Variants in CSPG5 observed in about 807,000 individuals in gnomAD.
CSPG5 encodes acidic leucine-rich EGF-like domain-containing brain protein.
In CSPG5, 25 loss-of-function variants were observed where a neutral mutation model predicts 39.8. The observed-to-expected ratio is 0.63, with a 90% CI of 0.46 to 0.88. The LOEUF (loss-of-function observed/expected upper bound fraction) is 0.88. Among genes scored for constraint, CSPG5 ranks in the 40% least tolerant of loss-of-function variants. The probability of loss-of-function intolerance (pLI) is 0.00; values close to 1 mark genes in which losing one functional copy is unlikely to be tolerated. For synonymous variants in CSPG5, 295 were observed against 303.9 expected (o/e 0.97, Z 0.31); for missense variants, 627 against 702.2 (o/e 0.89, Z 1.21).
chr3:47,577,454 AGCTCTG>A lies in CSPG5; in HGVS notation c.566_571del (p.Pro189_Glu190del), dbSNP rs772762924. 6.2e-7 allele frequency: 1 copy of A among 1,614,038 alleles called. No homozygotes were observed. The highest frequency in any genetic ancestry group is 2.2e-5 in the East Asian group (1 of 44,854). ...CAGGGTGCCCTGAAATGGGTAAGTC[AGCTCTG>A]GCCCTTGAGGGTCGGGTGTGCTGCC... is the stretch of plus-strand genomic sequence containing the variant. On this transcript the variant is annotated inframe_deletion, in exon 2 of 5. Transcript: ENST00000264723. The surrounding 1 kb of genome is among the most constrained non-coding windows in gnomAD (Gnocchi z 4.7).
rs2031868771 is a variant in CSPG5, at chr3:47,578,457, A to G, written c.97+140T>C. ...CGGACCCCCACCACCTCCTGGGACC[A>G]TTCCGCCGCCCGGCCGCGGCCAGGC... On this transcript the variant is annotated intron_variant, in intron 1 of 4. Coordinates refer to ENST00000264723, the MANE Select transcript of CSPG5 (RefSeq NM_006574.4). The surrounding 1 kb of genome is among the most constrained non-coding windows in gnomAD (Gnocchi z 6.0). The G allele has an allele frequency of 5.2e-6, 1 of 194,004 alleles. No homozygotes were observed. The highest frequency in any genetic ancestry group is 6.5e-5 in the Admixed American group (1 of 15,412). The allele number at this position is 194,004 out of a possible 1,614,324, so 12.0% of individuals were successfully genotyped here.
rs913463526 is a variant in CSPG5, at chr3:47,578,016, C to G, written c.98-88G>C. ...GGCCCGCCCCGGTCAGGCCCGCTCG[C>G]CTAGACCTGGTCAACCCAGACCTCG... is the stretch of plus-strand genomic sequence containing the variant. On this transcript the variant is annotated intron_variant, in intron 1 of 4. Transcript: ENST00000264723. The surrounding 1 kb of genome is among the most constrained non-coding windows in gnomAD (Gnocchi z 6.0). The G allele has an allele frequency of 6.2e-5, 84 of 1,347,308 alleles. No individual in the cohort carries two copies. Among genetic ancestry groups the G allele is most frequent in the Non-Finnish European group, 7.1e-5 (75 of 1,057,244 alleles). The allele number at this position is 1,347,308 out of a possible 1,614,324, so 83.5% of individuals were successfully genotyped here.
At position 47,568,959 on chromosome 3, in the gene CSPG5, C is replaced by A. The variant is rs1380764246; in HGVS notation, c.1458+193G>T. The A allele has an allele frequency of 1.4e-5, 14 of 1,000,640 alleles. No individual in the cohort carries two copies. In the South Asian group the frequency reaches 2.7e-4, roughly 19 times the overall value. The allele number at this position is 1,000,640 out of a possible 1,614,324, so 62.0% of individuals were successfully genotyped here. On this transcript the variant is annotated intron_variant, in intron 4 of 4. Coordinates refer to ENST00000264723, the MANE Select transcript of CSPG5 (RefSeq NM_006574.4). ...CACCTTTGCTGCCCAACTCAGTTGC[C>A]CTAGGCTGACCTCCAGAGCTCTCTG...
chr3:47,576,813 C>A lies in CSPG5; in HGVS notation c.1193+20G>T. 2.6e-6 allele frequency: 4 copies of A among 1,535,486 alleles called. No individual in the cohort carries two copies. The highest frequency in any genetic ancestry group is 3.5e-6 in the Non-Finnish European group (4 of 1,140,978). ...ATACACTCTTCAGTGTCCCTATGCA[C>A]CTGCCTGCCATGCCCTTACCTGCAG... On this transcript the variant is annotated intron_variant, in intron 2 of 4. Transcript: ENST00000264723.
intron 4 of CSPG5, among the ~76,000 whole-genome samples, chr3:47,568,298 T>C (rs537544242): frequency 6.6e-6 from 1 of 152,360 alleles, no homozygotes; most frequent in South Asian, 2.1e-4. Context: ...TTGGATATGG[T>C]TTCTGCCTTG....
chr3:47,574,931 T>C (rs1358599691), intron 2 of CSPG5, among the ~76,000 whole-genome samples: 1 of 152,038 alleles, frequency 6.6e-6, no homozygotes. Context: ...AGAGTGAGAC[T>C]CCGTCTCTAA....
rs916511934 is a variant in CSPG5 at position 47,570,755 on chromosome 3, C to A, written c.1383-1528G>T. Among the ~76,000 whole-genome samples the A allele has an allele frequency of 1.3e-5, 2 of 151,674 alleles. 1 individual carries two copies. Among genetic ancestry groups the A allele is most frequent in the African/African-American group, 4.8e-5 (2 of 41,272 alleles). On this transcript the variant is annotated intron_variant, in intron 3 of 4. Transcript: ENST00000264723. ...ACTCCTGACCTCGTGATCCACCCAT[C>A]GTGATCCACCTGCCTCGGCCTCCCA...
At chr3:47,566,166 C>A (rs1269327305) in intron 4 of CSPG5, among the ~76,000 whole-genome samples, 2 of 152,108 alleles carry the variant, frequency 1.3e-5, no homozygotes, top group South Asian at 2.1e-4. Context: ...GGAAAATGAC[C>A]TGCTCAATCT....
At position 47,578,347 on chromosome 3, in the gene CSPG5, C is replaced by A. The variant is rs1184369389; in HGVS notation, c.97+250G>T. On this transcript the variant is annotated intron_variant, in intron 1 of 4. Transcript: ENST00000264723. This position sits in a 1 kb window ranked among gnomAD's most constrained non-coding sequence, Gnocchi z 6.0. The stretch of plus-strand genomic sequence containing the variant: ...GCCCCGCCCCGGCCCCGCCCCCGGC[C>A]CCGCCCCCAGTCCGCACCGCGGCCC... 2.0e-5 allele frequency among the ~76,000 whole-genome samples: 3 copies of A among 150,000 alleles called. No homozygotes were observed. The highest frequency in any genetic ancestry group is 7.3e-5 in the African/African-American group (3 of 40,896).
rs1490094853 is a variant in CSPG5, at chr3:47,577,447, G to T, written c.579C>A (p.Tyr193Ter). 6.2e-7 allele frequency: 1 copy of T among 1,614,078 alleles called. No homozygotes were observed. Residue 193 changes from tyrosine (Y) to a stop codon, truncating the protein, a stop_gained, in exon 2 of 5, where the codon TAC (tyrosine) becomes TAA (stop). Transcript: ENST00000264723. LOFTEE classifies it high-confidence loss of function. The surrounding 1 kb of genome is among the most constrained non-coding windows in gnomAD (Gnocchi z 4.7). ...GGGGCTCCAGGGTGCCCTGAAATGG[G>T]TAAGTCAGCTCTGGCCCTTGAGGGT... Reference protein sequence around the residue: ...TPDPQGPELTYPFQGTLEPQP... With the variant: ...TPDPQGPELT
rs1419051199 is a variant in CSPG5 at position 47,577,854 on chromosome 3, C to A, written c.172G>T (p.Asp58Tyr). Residue 58 changes from aspartate to tyrosine, a missense_variant, in exon 2 of 5, where the codon GAC (aspartate) becomes TAC (tyrosine). Physicochemically the swap from Asp to Tyr is radical, Grantham distance 160. Coordinates refer to ENST00000264723, the MANE Select transcript of CSPG5 (RefSeq NM_006574.4). This position sits in a 1 kb window ranked among gnomAD's most constrained non-coding sequence, Gnocchi z 4.7. Reference protein sequence around the residue: ...GSPAWEPPANDTREEAGPPAA... With the variant: ...GSPAWEPPANYTREEAGPPAA... ...GGTGGGCCGGCTTCTTCCCGCGTGT[C>A]GTTGGCAGGCGGCTCCCACGCCGGG... 1.3e-6 allele frequency: 2 copies of A among 1,537,968 alleles called. No individual in the cohort carries two copies. Among genetic ancestry groups the A allele is most frequent in the South Asian group, 1.2e-5 (1 of 82,056 alleles).
chr3:47,573,569 G>T (rs2031601685), intron 2 of CSPG5, among the ~76,000 whole-genome samples: 1 of 152,136 alleles, frequency 6.6e-6, no homozygotes, highest in Admixed American at 6.5e-5. Context: ...ACTTTCTCCT[G>T]CCCTTGGGGA....
intron 4 of CSPG5, among the ~76,000 whole-genome samples, chr3:47,564,220 G>A (rs778621158): frequency 2.6e-5 from 4 of 152,214 alleles, no homozygotes; most frequent in Admixed American, 2.6e-4. Flanking sequence ...GTTCTCCAGA[G>A]AAGTCTGGTG....
Position 47,577,145 on chromosome 3 carries a change from A to T in CSPG5, c.881T>A (p.Leu294Gln). Reference protein sequence around the residue: ...DDKDAVGGGDLEDENELLVPT... With the variant: ...DDKDAVGGGDQEDENELLVPT... The stretch of plus-strand genomic sequence containing the variant: ...CACTAGAAGCTCATTTTCATCTTCT[A>T]GGTCTCCACCTCCTACTGCATCTTT... The change falls in exon 2 of 5, where the codon CTA becomes CAA. Residue 294 changes from leucine (L) to glutamine (Q), a missense_variant. Coordinates refer to ENST00000264723, the MANE Select transcript of CSPG5 (RefSeq NM_006574.4). The surrounding 1 kb of genome is among the most constrained non-coding windows in gnomAD (Gnocchi z 4.7). 2 of 1,613,688 alleles carry T rather than the reference A, an allele frequency of 1.2e-6. No homozygotes were observed. Among genetic ancestry groups the T allele is most frequent in the Non-Finnish European group, 1.7e-6 (2 of 1,179,864 alleles).
intron 2 of CSPG5, among the ~76,000 whole-genome samples, chr3:47,574,526 T>C (rs2031636371): frequency 6.6e-6 from 1 of 152,220 alleles, no homozygotes; most frequent in South Asian, 2.1e-4. Flanking sequence ...ATATTTTCTT[T>C]TTAAAAATAA....
At chr3:47,564,321 C>T (rs1258380073) in intron 4 of CSPG5, among the ~76,000 whole-genome samples, 3 of 152,146 alleles carry the variant, frequency 2.0e-5, no homozygotes, top group East Asian at 3.9e-4. Context: ...AGGGAGAGAC[C>T]CCGGGCTTTC....
chr3:47,569,603 C>CAA (rs751431992), intron 3 of CSPG5, among the ~76,000 whole-genome samples: 5 of 129,316 alleles, frequency 3.9e-5, no homozygotes, highest in Non-Finnish European at 8.3e-5. Context: ...GACTCCATCT[C>CAA]AAAAAAAAAA....
chr3:47,573,891 G>A (rs2031612173), intron 2 of CSPG5, among the ~76,000 whole-genome samples: 1 of 152,234 alleles, frequency 6.6e-6, no homozygotes, highest in Non-Finnish European at 1.5e-5. Flanking sequence ...CTGTAAGTGG[G>A]GCCTCTACCC....
At position 47,578,216 on chromosome 3, in the gene CSPG5, C is replaced by T. The variant is rs1286914140; in HGVS notation, c.98-288G>A. 6 of 382,200 alleles carry T rather than the reference C, an allele frequency of 1.6e-5. No individual in the cohort carries two copies. Among genetic ancestry groups the T allele is most frequent in the Non-Finnish European group, 2.7e-5 (6 of 223,086 alleles). 23.7% of individuals were successfully genotyped at this position (382,200 alleles called of 1,614,324 possible). On this transcript the variant is annotated intron_variant, in intron 1 of 4. Transcript: ENST00000264723. The surrounding 1 kb of genome is among the most constrained non-coding windows in gnomAD (Gnocchi z 6.0). ...AGGCCAGGGCGGCCCCCAGCTCGGC[C>T]CACCCATAAGTCTCACCCTCGGGAA...
Sources: gnomAD v4.1 joint callset for allele counts (sites outside exome capture counted in the v4.1 genomes callset) on GRCh38, gnomAD v4.1.1 for gene constraint, Gnocchi (gnomAD v3.1) non-coding constraint, MANE v1.5 for transcripts, NCBI Gene and HGNC (gene_info 2026-07-23, HGNC 2026-07-21) for gene names.